PDZRN3: variants seen among roughly 807,000 people sequenced by gnomAD.
PDZRN3 encodes the protein PDZ domain containing ring finger 3, also known as E3 ubiquitin-protein ligase PDZRN3.
In PDZRN3, 38 loss-of-function variants were observed where a neutral mutation model predicts 85.7. That is an observed-to-expected ratio of 0.44 (90% CI 0.34 to 0.58). The LOEUF (loss-of-function observed/expected upper bound fraction) is 0.58. Among genes scored for constraint, PDZRN3 ranks in the 20% least tolerant of loss-of-function variants. PDZRN3 has a pLI of 0.01. For missense variants in PDZRN3, 1,629 were observed against 1,506.4 expected, an observed-to-expected ratio of 1.08 and a Z score of -1.35; for synonymous variants, 759 against 638.0, an observed-to-expected ratio of 1.19 and a Z score of -2.86.
At chr3:73,578,293 C>T (rs9854384) in intron 3 of PDZRN3, among the ~76,000 whole-genome samples, 25,688 of 151,832 alleles carry the variant, frequency 0.17, 2,331 homozygotes, top group African/African-American at 0.23. Flanking sequence ...CCTCAGCCTC[C>T]GAGTAGCTGG....
intron 3 of PDZRN3, 141 bp downstream of exon 3, chr3:73,602,213 C>T (rs933342263): frequency 3.8e-5 from 24 of 628,246 alleles, no homozygotes; most frequent in Middle Eastern, 5.2e-4. Context: ...CAATCTGGTC[C>T]CACACAATGG....
At position 73,567,442 on chromosome 3, in the gene PDZRN3, G is replaced by A. The variant is rs1314720707; in HGVS notation, c.918+34912C>T. On this transcript the variant is annotated intron_variant, in intron 3 of 9. Coordinates refer to ENST00000263666, the MANE Select transcript of PDZRN3 (RefSeq NM_015009.3). ...ATAAAAGTTCAAAATCATGACCTGA[G>A]TTTCCAAAGTTTAAAAATTCCTCAA... Among the ~76,000 whole-genome samples, 3 of 152,100 alleles carry A rather than the reference G, an allele frequency of 2.0e-5. No individual in the cohort carries two copies. The East Asian group carries it at 5.8e-4, about 29-fold the overall frequency.
chr3:73,572,841 T>C (rs1289542214), intron 3 of PDZRN3, among the ~76,000 whole-genome samples: 15 of 152,218 alleles, frequency 9.9e-5, no homozygotes. Context: ...TGCATATGTA[T>C]CATTTGGATT....
intron 3 of PDZRN3, chr3:73,561,365 T>G (rs1475209658): frequency 3.3e-5 from 5 of 152,244 alleles, no homozygotes; most frequent in African/African-American, 1.2e-4. Flanking sequence ...CAGGGCAAGC[T>G]GCATTTTTGT....
At chr3:73,526,130 C>T (rs1394668197) in intron 3 of PDZRN3, among the ~76,000 whole-genome samples, 2 of 152,088 alleles carry the variant, frequency 1.3e-5, no homozygotes, top group Non-Finnish European at 2.9e-5. Flanking sequence ...GTTAATATTA[C>T]CTACCTCATG....
intron 3 of PDZRN3, among the ~76,000 whole-genome samples, chr3:73,563,013 ATTTTTTTT>A (rs879510100): frequency 7.8e-4 from 34 of 43,724 alleles, no homozygotes; most frequent in Admixed American, 1.7e-3. Context: ...ATATATATAT[ATTTTTTTT>A]TTTTTTTTTT....
intron 3 of PDZRN3, among the ~76,000 whole-genome samples, chr3:73,535,358 C>T (rs958270094): frequency 6.6e-6 from 1 of 152,198 alleles, no homozygotes; most frequent in Non-Finnish European, 1.5e-5. Context: ...AATATATCAT[C>T]AAGATATGCA....
chr3:73,594,523 G>C (rs527255999), intron 3 of PDZRN3, among the ~76,000 whole-genome samples: 2 of 152,284 alleles, frequency 1.3e-5, no homozygotes, highest in East Asian at 3.9e-4. Flanking sequence ...AGGTAGGAAA[G>C]ACAAGCAGTA....
At chr3:73,511,391 T>C (rs1262989706) in intron 3 of PDZRN3, among the ~76,000 whole-genome samples, 1 of 151,664 alleles carries the variant, frequency 6.6e-6, no homozygotes, top group African/African-American at 2.4e-5. Flanking sequence ...ACTCCAGCCC[T>C]GGGTGTCGGC....
Position 73,570,318 on chromosome 3 carries a change from G to A in PDZRN3, c.918+32036C>T, listed in dbSNP as rs185729242. On this transcript the variant is annotated intron_variant, in intron 3 of 9. Transcript: ENST00000263666. ...GAGGCATACATCTAGAAGAGACAAC[G>A]AATGTTAACAAAATGTGAGACTATG... Among the ~76,000 whole-genome samples the A allele has an allele frequency of 3.1e-4, 47 of 152,328 alleles. 1 individual carries two copies. The East Asian group carries it at 7.7e-3, about 25-fold the overall frequency.
At chr3:73,598,794 T>C (rs1455254762) in intron 3 of PDZRN3, among the ~76,000 whole-genome samples, 1 of 152,068 alleles carries the variant, frequency 6.6e-6, no homozygotes, top group Non-Finnish European at 1.5e-5. Flanking sequence ...GAAAGGGATG[T>C]TGACATCTCT....
intron 9 of PDZRN3, 26 bp from the exon 10 acceptor site, chr3:73,384,956 C>T (rs952332237): frequency 6.4e-7 from 1 of 1,567,446 alleles, no homozygotes; most frequent in Non-Finnish European, 8.6e-7. Flanking sequence ...AACAAAGGGT[C>T]ACAGTGAGGG....
At chr3:73,421,602 T>C (rs1291998033) in intron 3 of PDZRN3, among the ~76,000 whole-genome samples, 1 of 152,238 alleles carries the variant, frequency 6.6e-6, no homozygotes, top group African/African-American at 2.4e-5. Flanking sequence ...TTGAGCAAGA[T>C]ATAAGATATC....
intron 3 of PDZRN3, among the ~76,000 whole-genome samples, chr3:73,433,121 C>G (rs1368186000): frequency 6.6e-6 from 1 of 152,168 alleles, no homozygotes; most frequent in Non-Finnish European, 1.5e-5. Flanking sequence ...ATTTCACAGA[C>G]AGAGGTACAG....
intron 3 of PDZRN3, among the ~76,000 whole-genome samples, chr3:73,565,786 A>AACAC (rs61564723): frequency 0.049 from 1,857 of 37,702 alleles, 21 homozygotes; most frequent in Non-Finnish European, 0.099. Flanking sequence ...AAAAATACAA[A>AACAC]ACACACACAC....
intron 3 of PDZRN3, among the ~76,000 whole-genome samples, chr3:73,554,280 C>T (rs567559231): frequency 2.3e-4 from 35 of 152,050 alleles, no homozygotes; most frequent in South Asian, 1.0e-3. Context: ...AATTTCTCTG[C>T]GCCTCATTTT....
chr3:73,502,470 C>T (rs779565455), intron 3 of PDZRN3, among the ~76,000 whole-genome samples: 42 of 152,318 alleles, frequency 2.8e-4, no homozygotes, highest in Non-Finnish European at 5.3e-4. Flanking sequence ...GTTAAGGCCA[C>T]CAACAACTAA....
chr3:73,526,963 C>T (rs879795892), intron 3 of PDZRN3, among the ~76,000 whole-genome samples: 2 of 152,146 alleles, frequency 1.3e-5, no homozygotes, highest in Non-Finnish European at 2.9e-5. Flanking sequence ...GCTCTCCTGC[C>T]TCAGCCTCCT....
chr3:73,443,195 A>G (rs1172700710), intron 3 of PDZRN3, among the ~76,000 whole-genome samples: 1 of 152,182 alleles, frequency 6.6e-6, no homozygotes, highest in East Asian at 1.9e-4. Context: ...ACTGTTGTTT[A>G]GTGGTAAACA....
Sources: allele counts gnomAD v4.1 joint callset (sites outside exome capture counted in the v4.1 genomes callset), GRCh38; gene constraint gnomAD v4.1.1; transcripts MANE v1.5; gene names NCBI Gene and HGNC (gene_info 2026-07-23, HGNC 2026-07-21).